The following MMP20 variants were observed in gnomAD, a reference collection of about 807,000 sequenced individuals.
MMP20 encodes matrix metalloproteinase-20.
In MMP20, 50 loss-of-function variants were observed where a neutral mutation model predicts 51.8. The observed-to-expected ratio is 0.97, with a 90% CI of 0.77 to 1.22. The LOEUF is 1.22. Ranked by LOEUF, MMP20 falls within the 50% of genes most tolerant of loss-of-function variation. The pLI is 0.00. For missense variants in MMP20, 663 were observed against 601.4 expected (o/e 1.10, Z -1.07); for synonymous variants, 244 against 216.2 (o/e 1.13, Z -1.13).
intron 2 of MMP20, among the ~76,000 whole-genome samples, chr11:102,615,863 A>G (rs977930874): frequency 4.0e-5 from 6 of 151,896 alleles, no homozygotes; most frequent in African/African-American, 1.5e-4. Flanking sequence ...TCTGACCTGC[A>G]CCCATCTGTC....
chr11:102,617,018 C>T lies in MMP20; in HGVS notation c.168G>A (p.Gln56=), dbSNP rs1206033194. Residue 56 remains glutamine, a synonymous_variant, in exon 2 of 10, where the codon CAG becomes CAA. Transcript: ENST00000260228. ...TTCCTCTTGCAACCATCTCACCAAT[C>T]TGGTGTCCTTCTTTATTTGTGTAAT... The part of the protein sequence containing the change: ...DKYYTNKEGH[Q]IGEMVARGSN... 6.2e-7 allele frequency: 1 copy of T among 1,614,160 alleles called. No individual in the cohort carries two copies. The highest frequency in any genetic ancestry group is 1.6e-4 in the Middle Eastern group (1 of 6,062).
chr11:102,577,355 C>T lies in MMP20; in HGVS notation c.1423G>A (p.Val475Met). The change falls in exon 10 of 10, where the codon GTG becomes ATG. Residue 475 changes from valine to methionine, a missense_variant. Val to Met is a conservative substitution (Grantham distance 21). Transcript: ENST00000260228. ...DTEKEDVVSV[V>M]KSSSWIGC is the part of the protein sequence containing the mutation. ...CAACCAATCCAGGAACTAGATTTCA[C>T]CACACTAACCACATCTTCCTTCTCT... The T allele has an allele frequency of 6.2e-7, 1 of 1,613,910 alleles. No homozygotes were observed. Among genetic ancestry groups the T allele is most frequent in the Non-Finnish European group, 8.5e-7 (1 of 1,179,820 alleles).
intron 6 of MMP20, among the ~76,000 whole-genome samples, chr11:102,604,453 T>C (rs745355774): frequency 1.3e-5 from 2 of 152,248 alleles, no homozygotes; most frequent in African/African-American, 4.8e-5. Context: ...TACCTGAAGT[T>C]GTTTATAAGC....
chr11:102,623,304 G>A (rs1859773626), intron 1 of MMP20, among the ~76,000 whole-genome samples: 1 of 152,208 alleles, frequency 6.6e-6, no homozygotes, highest in African/African-American at 2.4e-5. Context: ...TCTGTGGCCT[G>A]TTAGGAACCT....
chr11:102,604,947 A>C (rs1859495067), intron 6 of MMP20, among the ~76,000 whole-genome samples: 1 of 152,234 alleles, frequency 6.6e-6, no homozygotes, highest in Non-Finnish European at 1.5e-5. Flanking sequence ...GACATAAAAC[A>C]ATATGCTTAA....
At chr11:102,579,229 C>CCTAA in intron 8 of MMP20, 87 bp from the exon 9 acceptor site, 1 of 803,964 alleles carries the variant, frequency 1.2e-6, no homozygotes, top group Non-Finnish European at 2.1e-6. Context: ...CATATGGACA[C>CCTAA]ATAACTTATT....
At chr11:102,591,768 T>C (rs570901925) in intron 8 of MMP20, among the ~76,000 whole-genome samples, 2 of 152,272 alleles carry the variant, frequency 1.3e-5, no homozygotes, top group Admixed American at 1.3e-4. Context: ...GCAAAGAGCA[T>C]CACTAAAATC....
chr11:102,614,725 C>T (rs1361508874), intron 2 of MMP20, among the ~76,000 whole-genome samples: 2 of 151,892 alleles, frequency 1.3e-5, no homozygotes, highest in Non-Finnish European at 2.9e-5. Context: ...CATGACTGTT[C>T]CCTGGATTCT....
At chr11:102,610,375 C>T (rs1368856684) in intron 3 of MMP20, among the ~76,000 whole-genome samples, 2 of 138,176 alleles carry the variant, frequency 1.4e-5, no homozygotes, top group African/African-American at 5.2e-5. Flanking sequence ...GGCGGGGCGG[C>T]GGGGGGGCGG....
chr11:102,609,994 C>T lies in MMP20; in HGVS notation c.560G>A (p.Gly187Glu), dbSNP rs762524716. Residue 187 changes from glycine to glutamate, a missense_variant, in exon 4 of 10, where the codon GGG (glycine) becomes GAG (glutamate). Physicochemically the swap from Gly to Glu is moderately conservative, Grantham distance 98 (BLOSUM62 -2). Transcript: ENST00000260228. ...GDSYPFDGPR[G>E]TLAHAFAPGE... ...AGGAGCAAATGCATGGGCTAGAGTC[C>T]CCCGAGGCCCATCGAATGGATAGGA... 1.2e-6 allele frequency: 2 copies of T among 1,614,100 alleles called. No homozygotes were observed. The highest frequency in any genetic ancestry group is 1.7e-6 in the Non-Finnish European group (2 of 1,180,026).
chr11:102,593,412 A>G (rs1478029025), intron 8 of MMP20, 27 bp downstream of exon 8: 1 of 1,602,126 alleles, frequency 6.2e-7, no homozygotes, highest in Non-Finnish European at 8.5e-7. Flanking sequence ...AAATAAAGAT[A>G]GATAGTAAAA....
intron 8 of MMP20, among the ~76,000 whole-genome samples, chr11:102,588,270 AT>A (rs1859276623): frequency 6.6e-6 from 1 of 152,016 alleles, no homozygotes; most frequent in African/African-American, 2.4e-5. Flanking sequence ...TATTATTGTT[AT>A]ACCTATTGTA....
In MMP20 at chr11:102,594,612, G is replaced by C. The variant is rs754801643; in HGVS notation, c.1090+9C>G. 1 of 1,613,498 alleles carries C rather than the reference G, an allele frequency of 6.2e-7. No individual in the cohort carries two copies. On this transcript the variant is annotated intron_variant, in intron 7 of 9. Coordinates refer to ENST00000260228, the MANE Select transcript of MMP20 (RefSeq NM_004771.4). Reference sequence around the variant, plus strand: ...TGCCATTTCTTTCTTTGAGGGATCTGTAGGGTACCTTTGAAGAAGTAAGCA... The same window carrying C: ...TGCCATTTCTTTCTTTGAGGGATCTCTAGGGTACCTTTGAAGAAGTAAGCA...
At chr11:102,612,401 G>C (rs1190199779) in intron 2 of MMP20, among the ~76,000 whole-genome samples, 1 of 152,228 alleles carries the variant, frequency 6.6e-6, no homozygotes, top group African/African-American at 2.4e-5. Flanking sequence ...GGAAGTGGAG[G>C]TTGCAGTGAG....
chr11:102,603,143 C>A (rs1859470001), intron 6 of MMP20, among the ~76,000 whole-genome samples: 3 of 152,172 alleles, frequency 2.0e-5, no homozygotes, highest in Admixed American at 2.0e-4. Flanking sequence ...TGGAAACAAA[C>A]CATGTGGTTA....
Position 102,615,303 on chromosome 11 carries a change from A to T in MMP20, c.374+1509T>A, listed in dbSNP as rs534561178. Among the ~76,000 whole-genome samples the T allele has an allele frequency of 6.7e-5, 10 of 148,566 alleles. No individual in the cohort carries two copies. The South Asian group carries it at 2.1e-3, about 31-fold the overall frequency. ...TAATTTATTTAATATAATATAATTT[A>T]ATTTATTTAATGTAATGTAATATGA... On this transcript the variant is annotated intron_variant, in intron 2 of 9. Transcript: ENST00000260228.
At chr11:102,599,184 T>A (rs946822314) in intron 6 of MMP20, among the ~76,000 whole-genome samples, 1 of 152,028 alleles carries the variant, frequency 6.6e-6, no homozygotes, top group African/African-American at 2.4e-5. Flanking sequence ...GCCCAGCTAA[T>A]TTTTGTATTT....
rs1451158369 is a variant in MMP20, at chr11:102,616,885, C to G, written c.301G>C (p.Gly101Arg). The G allele has an allele frequency of 1.2e-6, 2 of 1,614,182 alleles. No individual in the cohort carries two copies. The highest frequency in any genetic ancestry group is 3.3e-4 in the Middle Eastern group (2 of 6,062). The change falls in exon 2 of 10, where the codon GGA (glycine) becomes CGA (arginine). Residue 101 changes from glycine to arginine, a missense_variant. Physicochemically the swap from Gly to Arg is moderately radical, Grantham distance 125. Transcript: ENST00000260228. ...TMNVIKKPRC[G>R]VPDVANYRLF... ...CGATAATTGGCCACATCAGGAACTC[C>G]ACAGCGAGGCTTCTTGATCACGTTC...
At position 102,611,840 on chromosome 11, in the gene MMP20, C is replaced by G. The variant is rs1475504213; in HGVS notation, c.438G>C (p.Leu146Phe). 6.2e-7 allele frequency: 1 copy of G among 1,614,186 alleles called. No homozygotes were observed. Residue 146 changes from leucine (L) to phenylalanine (F), a missense_variant, in exon 3 of 10, where the codon TTG (leucine) becomes TTC (phenylalanine). By Grantham distance (22) the Leu-to-Phe change is conservative. Transcript: ENST00000260228. ...VEVDKAVEMA[L>F]QAWSSAVPLS... ...GAGGGACGGCGCTACTCCAGGCCTG[C>G]AAGGCCATCTCCACTGCTTTGTCCA...
Sources: gnomAD v4.1 joint callset for allele counts (sites outside exome capture counted in the v4.1 genomes callset) on GRCh38, gnomAD v4.1.1 for gene constraint, MANE v1.5 for transcripts, NCBI Gene and HGNC (gene_info 2026-07-23, HGNC 2026-07-21) for gene names.